TEX30: variants seen among roughly 807,000 people sequenced by gnomAD.
TEX30 encodes the protein testis expressed 30.
In TEX30, 14 loss-of-function variants were observed where a neutral mutation model predicts 23.8. The ratio of observed to expected loss-of-function variants is 0.59; its 90% CI spans 0.39 to 0.92. The LOEUF (loss-of-function observed/expected upper bound fraction) is 0.92, where lower values mean the gene tolerates loss of function less well. TEX30 is among the 40% of genes least tolerant of loss of function. TEX30 has a pLI of 0.00. For missense variants in TEX30, 246 were observed against 270.6 expected, an observed-to-expected ratio of 0.91 and a Z score of 0.64; for synonymous variants, 78 against 90.2, an observed-to-expected ratio of 0.87 and a Z score of 0.76.
At chr13:102,767,588 C>T in intron 4 of TEX30, 110 bp from the exon 5 acceptor site, 1 of 1,136,758 alleles carries the variant, frequency 8.8e-7, no homozygotes, top group Non-Finnish European at 1.2e-6. Context: ...TGTTTACCAA[C>T]AAATTAACTC....
intron 1 of TEX30, among the ~76,000 whole-genome samples, chr13:102,771,009 A>C (rs188325457): frequency 1.5e-3 from 221 of 152,342 alleles, no homozygotes; most frequent in African/African-American, 5.1e-3. Context: ...CATGGTTTAA[A>C]GTTCAAAAGG....
chr13:102,769,311 C>G lies in TEX30; in HGVS notation c.246G>C (p.Leu82Phe). The G allele has an allele frequency of 6.7e-7, 1 of 1,503,248 alleles. No individual in the cohort carries two copies. The highest frequency in any genetic ancestry group is 8.8e-7 in the Non-Finnish European group (1 of 1,130,788). 93.1% of individuals were successfully genotyped at this position (1,503,248 alleles called of 1,614,324 possible). A position where few individuals can be genotyped will look rare whatever the true frequency, so the allele number is the denominator to read the frequency against. ...AGTAAATATAAAGAAATTTTCTTACCAAAACTGATTTATACGCCTTAATTC... is the reference window on the plus strand; with the variant it reads ...AGTAAATATAAAGAAATTTTCTTACGAAAACTGATTTATACGCCTTAATTC... ...VHRIKAYKSV[L>F]NYLKTSGEYK... is the part of the protein sequence containing the mutation. The change falls in exon 3 of 6, where the codon TTG becomes TTC. Residue 82 changes from leucine to phenylalanine, a missense_variant and splice_region_variant. Physicochemically the swap from Leu to Phe is conservative, Grantham distance 22. Transcript: ENST00000376032.
At chr13:102,766,703 T>C (rs1876911995) in intron 5 of TEX30, 123 bp from the exon 6 acceptor site, 1 of 871,818 alleles carries the variant, frequency 1.1e-6, no homozygotes, top group Non-Finnish European at 1.7e-6. Context: ...CTCAGACAAC[T>C]TTCTAGGTAA....
In TEX30 at chr13:102,766,119, C is replaced by G. The variant is rs1595288827; in HGVS notation, c.*282G>C. The G allele has an allele frequency of 1.0e-5, 2 of 199,466 alleles. No individual in the cohort carries two copies. The highest frequency in any genetic ancestry group is 2.4e-4 in the East Asian group (2 of 8,402). The allele number at this position is 199,466 out of a possible 1,614,324, so 12.4% of individuals were successfully genotyped here. A position where few individuals can be genotyped will look rare whatever the true frequency, so the allele number is the denominator to read the frequency against. ...ATAAGACAAAAGCACCTTTTTGTAA[C>G]AAAATTCAGATGTTTAATTTTTTTC... On this transcript the variant is annotated 3_prime_UTR_variant, in exon 6 of 6. Coordinates refer to ENST00000376032, the MANE Select transcript of TEX30 (RefSeq NM_138779.5).
In TEX30 at chr13:102,771,202, C is replaced by T. The variant is rs544920481; in HGVS notation, c.-60-1116G>A. The stretch of plus-strand genomic sequence containing the variant: ...ATTCCTGGGGAAGGAATCGCTGTGT[C>T]AAAGGGTTTGTTCATAATTTTTTAC... On this transcript the variant is annotated intron_variant, in intron 1 of 5. Transcript: ENST00000376032. Among the ~76,000 whole-genome samples, 8 of 152,160 alleles carry T rather than the reference C, an allele frequency of 5.3e-5. No individual in the cohort carries two copies. In the East Asian group the frequency reaches 1.5e-3, roughly 29 times the overall value.
At position 102,766,431 on chromosome 13, in the gene TEX30, T is replaced by C; in HGVS notation, c.654A>G (p.Glu218=). 6.2e-7 allele frequency: 1 copy of C among 1,613,854 alleles called. No individual in the cohort carries two copies. Among genetic ancestry groups the C allele is most frequent in the Non-Finnish European group, 8.5e-7 (1 of 1,179,886 alleles). ...GACATTTCTTGTCCATTTCAGTAAT[T>C]TCTTGGATCCAAAACAAAATCTGTG... ...INTQILFWIQ[E]ITEMDKKCH Residue 218 remains glutamate, a synonymous_variant, in exon 6 of 6, where the codon GAA becomes GAG. Transcript: ENST00000376032.
rs559455947 is a variant in TEX30 at position 102,768,639 on chromosome 13, T to C, written c.247-328A>G. Among the ~76,000 whole-genome samples, 66 of 152,348 alleles carry C rather than the reference T, an allele frequency of 4.3e-4. 1 individual carries two copies. In the South Asian group the frequency reaches 0.013, roughly 31 times the overall value. On this transcript the variant is annotated intron_variant, in intron 3 of 5. Transcript: ENST00000376032. Reference sequence around the variant, plus strand: ...GGCTTCCAACTAATACCAAATTTGATAATGTTAACATCTAAAGTTCTAAAA... The same window carrying C: ...GGCTTCCAACTAATACCAAATTTGACAATGTTAACATCTAAAGTTCTAAAA...
chr13:102,773,056 G>T (rs1016504492), intron 1 of TEX30, among the ~76,000 whole-genome samples: 12 of 152,232 alleles, frequency 7.9e-5, no homozygotes, highest in African/African-American at 2.9e-4. Context: ...GTTCTAGGAC[G>T]ACAACTACTC....
intron 4 of TEX30, 26 bp downstream of exon 4, chr13:102,768,231 TAAC>T (rs1386871538): frequency 1.3e-6 from 2 of 1,552,468 alleles, no homozygotes; most frequent in African/African-American, 2.8e-5. Context: ...AACAGGTAAT[TAAC>T]AAGTATTCAC....
chr13:102,771,543 G>C (rs1265704819), intron 1 of TEX30, among the ~76,000 whole-genome samples: 1 of 152,130 alleles, frequency 6.6e-6, no homozygotes, highest in Admixed American at 6.5e-5. Flanking sequence ...CTGTGTGTGT[G>C]AGCGTGTAGA....
intron 1 of TEX30, among the ~76,000 whole-genome samples, chr13:102,771,913 G>A (rs769058626): frequency 6.6e-6 from 1 of 152,194 alleles, no homozygotes; most frequent in Non-Finnish European, 1.5e-5. Flanking sequence ...GCTGTCCAGT[G>A]CTGCCAGTTT....
chr13:102,770,579 C>T (rs768161778), intron 1 of TEX30: 13 of 152,244 alleles, frequency 8.5e-5, no homozygotes, highest in African/African-American at 3.1e-4. Context: ...GACTTGGCTA[C>T]GTAACTTGTT....
chr13:102,771,048 A>C (rs1357935554), intron 1 of TEX30, among the ~76,000 whole-genome samples: 3 of 152,140 alleles, frequency 2.0e-5, no homozygotes, highest in South Asian at 4.1e-4. Context: ...AAAAAGTCTC[A>C]CTCATTCCAC....
intron 5 of TEX30, 98 bp downstream of exon 5, chr13:102,767,175 C>A: frequency 7.9e-7 from 1 of 1,268,696 alleles, no homozygotes. Context: ...GTCAAATTAG[C>A]AATTTTTAAA....
At chr13:102,771,264 T>C (rs1872438919) in intron 1 of TEX30, among the ~76,000 whole-genome samples, 1 of 152,232 alleles carries the variant, frequency 6.6e-6, no homozygotes, top group African/African-American at 2.4e-5. Flanking sequence ...GTGAATACAT[T>C]TCATTTTTGA....
At chr13:102,770,265 G>C (rs1195219985) in intron 1 of TEX30, 179 bp from the exon 2 acceptor site, 2 of 350,580 alleles carry the variant, frequency 5.7e-6, no homozygotes, top group African/African-American at 4.2e-5. Context: ...CCAGGTGCAG[G>C]GTTGGTAGAT....
At chr13:102,768,510 G>T (rs1434077762) in intron 3 of TEX30, among the ~76,000 whole-genome samples, 199 bp from the exon 4 acceptor site, 1 of 151,998 alleles carries the variant, frequency 6.6e-6, no homozygotes, top group African/African-American at 2.4e-5. Context: ...CACATGTTAG[G>T]TAATACAGGC....
chr13:102,770,494 C>A (rs544600109), intron 1 of TEX30, among the ~76,000 whole-genome samples: 2 of 152,302 alleles, frequency 1.3e-5, no homozygotes, highest in Non-Finnish European at 1.5e-5. Context: ...CAAGCCTACC[C>A]ATCCACATCT....
chr13:102,768,880 T>C (rs910843282), intron 3 of TEX30, among the ~76,000 whole-genome samples: 2 of 152,238 alleles, frequency 1.3e-5, no homozygotes, highest in South Asian at 2.1e-4. Context: ...TCCTGGGCCA[T>C]ATGTGGCCCA....
Sources: gnomAD v4.1 joint callset for allele counts (sites outside exome capture counted in the v4.1 genomes callset) on GRCh38, gnomAD v4.1.1 for gene constraint, MANE v1.5 for transcripts, NCBI Gene and HGNC (gene_info 2026-07-23, HGNC 2026-07-21) for gene names.